BSN: variants seen among roughly 807,000 people sequenced by gnomAD.
BSN encodes protein bassoon.
Under a neutral mutation model 264.8 loss-of-function variants are expected in BSN, and 57 were observed. The ratio of observed to expected loss-of-function variants is 0.22; its 90% CI spans 0.17 to 0.27. BSN has a LOEUF of 0.27. Ranked by LOEUF, BSN falls within the 10% of genes least tolerant of loss-of-function variation. The pLI is 1.00. For missense variants in BSN, 4,615 were observed against 5,232.5 expected, an observed-to-expected ratio of 0.88 and a Z score of 3.64; for synonymous variants, 2,059 against 2,137.3, an observed-to-expected ratio of 0.96 and a Z score of 1.01.
chr3:49,657,726 G>T lies in BSN; in HGVS notation c.8170G>T (p.Gly2724Trp), dbSNP rs750377812. ...ESLACQTEPD[G>W]QAQGVAGPQL... ...CCTGGCCTGCCAGACGGAGCCAGATGGGCAGGCCCAGGGTGTAGCCGGGCC... is the reference window on the plus strand; with the variant it reads ...CCTGGCCTGCCAGACGGAGCCAGATTGGCAGGCCCAGGGTGTAGCCGGGCC... Residue 2724 changes from glycine (G) to tryptophan (W), a missense_variant, in exon 5 of 12, where the codon GGG becomes TGG. This residue lies in a region of BSN where 3,415 missense variants were observed against 3,866.4 expected (regional missense o/e 0.88). Transcript: ENST00000296452. The T allele has an allele frequency of 6.5e-7, 1 of 1,550,332 alleles. No homozygotes were observed. The highest frequency in any genetic ancestry group is 1.8e-5 in the Admixed American group (1 of 54,150).
intron 1 of BSN, among the ~76,000 whole-genome samples, chr3:49,596,654 C>A (rs2108028815): frequency 6.6e-6 from 1 of 152,142 alleles, no homozygotes; most frequent in East Asian, 1.9e-4. Flanking sequence ...CCATGCCTGG[C>A]TTTTTTGAAA....
chr3:49,628,166 C>T (rs1043700554), intron 2 of BSN, among the ~76,000 whole-genome samples: 5 of 152,176 alleles, frequency 3.3e-5, no homozygotes, highest in East Asian at 3.8e-4. Context: ...GAAATGTGAC[C>T]GCAGAAAATG....
At chr3:49,579,237 T>A (rs1244152956) in intron 1 of BSN, among the ~76,000 whole-genome samples, 1 of 151,616 alleles carries the variant, frequency 6.6e-6, no homozygotes, top group Non-Finnish European at 1.5e-5. Context: ...GATCCTCCTG[T>A]CTCAGGCACC....
intron 1 of BSN, among the ~76,000 whole-genome samples, chr3:49,557,354 G>A (rs540793234): frequency 9.2e-5 from 14 of 152,108 alleles, no homozygotes; most frequent in African/African-American, 2.9e-4. Flanking sequence ...TCATTCACTC[G>A]TTAATTCATT....
At chr3:49,571,274 CAG>C (rs907187679) in intron 1 of BSN, among the ~76,000 whole-genome samples, 1 of 152,038 alleles carries the variant, frequency 6.6e-6, no homozygotes, top group African/African-American at 2.4e-5. Flanking sequence ...CACAGCAAGT[CAG>C]GGGCAGGACA....
downstream of BSN, among the ~76,000 whole-genome samples, chr3:49,672,770 C>T (rs563678454): frequency 6.0e-5 from 9 of 150,056 alleles, no homozygotes; most frequent in African/African-American, 2.2e-4. Context: ...CGTGAGCCAC[C>T]GCGCCTGGCA....
At chr3:49,612,191 A>G (rs980304555) in intron 1 of BSN, among the ~76,000 whole-genome samples, 2 of 149,422 alleles carry the variant, frequency 1.3e-5, no homozygotes, top group African/African-American at 4.9e-5. Context: ...GCTGGAGTGC[A>G]GTGGTGCAAT....
Position 49,655,877 on chromosome 3 carries a change from C to A in BSN, c.6321C>A (p.Ser2107=). Residue 2107 remains serine, a synonymous_variant, in exon 5 of 12, where the codon TCC becomes TCA. Transcript: ENST00000296452. ...GTCGCATGTGCGCTGCCCTCAACTC[C>A]ATGGACCAGTATGGTGGGCGGCATG... ...EISRMCAALN[S]MDQYGGRHGS... is the part of the protein sequence containing the mutation. The A allele has an allele frequency of 6.2e-7, 1 of 1,613,090 alleles. No homozygotes were observed. The highest frequency in any genetic ancestry group is 1.6e-4 in the Middle Eastern group (1 of 6,062).
Position 49,661,987 on chromosome 3 carries a change from T to A in BSN, c.10142T>A (p.Val3381Glu). ...TCGCCTATTGAAGAGGCCAAAGACG[T>A]AGAGTCAGACCTGGCGTCCTACCCC... ...KFSPIEEAKD[V>E]ESDLASYPPP... The change falls in exon 6 of 12, where the codon GTA (valine) becomes GAA (glutamate). Residue 3381 changes from valine to glutamate, a missense_variant. Coordinates refer to ENST00000296452, the MANE Select transcript of BSN (RefSeq NM_003458.4). 1 of 1,613,842 alleles carries A rather than the reference T, an allele frequency of 6.2e-7. No homozygotes were observed. Among genetic ancestry groups the A allele is most frequent in the Non-Finnish European group, 8.5e-7 (1 of 1,180,010 alleles).
intron 1 of BSN, among the ~76,000 whole-genome samples, chr3:49,565,148 T>TC (rs1344321108): frequency 1.1e-4 from 15 of 138,060 alleles, no homozygotes; most frequent in South Asian, 7.4e-4. Flanking sequence ...GATTTTCTTT[T>TC]TTTTTTTTTT....
intron 1 of BSN, among the ~76,000 whole-genome samples, chr3:49,570,940 T>C (rs924834872): frequency 1.7e-4 from 26 of 152,154 alleles, no homozygotes; most frequent in African/African-American, 5.6e-4. Context: ...CTCCCAGGCC[T>C]GTGAAATGGA....
In BSN at chr3:49,554,515, A is replaced by G. The variant is rs1174097771; in HGVS notation, c.-88A>G. On this transcript the variant is annotated 5_prime_UTR_variant, in exon 1 of 12. Transcript: ENST00000296452. The stretch of plus-strand genomic sequence containing the variant: ...AGCCGAGCTGGGAGATGGCGGCGGC[A>G]GCGGCGGCGCCGAGAGTGTGAGCAC... The G allele has an allele frequency of 2.7e-6, 1 of 370,836 alleles. No homozygotes were observed. Among genetic ancestry groups the G allele is most frequent in the Non-Finnish European group, 3.7e-6 (1 of 268,862 alleles). 23.0% of individuals were successfully genotyped at this position (370,836 alleles called of 1,614,324 possible). A position where few individuals can be genotyped will look rare whatever the true frequency, so the allele number is the denominator to read the frequency against.
At chr3:49,626,420 G>A (rs1225639576) in intron 2 of BSN, among the ~76,000 whole-genome samples, 2 of 152,082 alleles carry the variant, frequency 1.3e-5, no homozygotes, top group African/African-American at 4.8e-5. Context: ...CTGTGGGTGT[G>A]GGACGTGTGG....
At chr3:49,584,052 A>ATT (rs1190231071) in intron 1 of BSN, among the ~76,000 whole-genome samples, 1 of 151,046 alleles carries the variant, frequency 6.6e-6, no homozygotes, top group East Asian at 1.9e-4. Context: ...TTTTATTTTT[A>ATT]TTTTTTTTAT....
chr3:49,598,626 A>G (rs781739118), intron 1 of BSN, among the ~76,000 whole-genome samples: 1 of 151,788 alleles, frequency 6.6e-6, no homozygotes, highest in Non-Finnish European at 1.5e-5. Context: ...GGGTCTCACT[A>G]TTTTGCCCAG....
chr3:49,624,253 G>A (rs566974695), intron 1 of BSN, among the ~76,000 whole-genome samples: 20 of 150,280 alleles, frequency 1.3e-4, no homozygotes, highest in African/African-American at 2.5e-4. Flanking sequence ...TGCCCGCCTC[G>A]GCCTCCCAAA....
intron 1 of BSN, among the ~76,000 whole-genome samples, chr3:49,610,082 C>A (rs2052193157): frequency 6.6e-6 from 1 of 152,166 alleles, no homozygotes. Context: ...TTCTCTGGAA[C>A]CACCCCTCTT....
intron 1 of BSN, among the ~76,000 whole-genome samples, chr3:49,615,045 T>A (rs754462501): frequency 9.9e-5 from 15 of 152,196 alleles, no homozygotes; most frequent in Non-Finnish European, 1.8e-4. Flanking sequence ...GTCCCTCTTG[T>A]CACATTCTCC....
chr3:49,592,568 ACGGTGAAACCC>A (rs2051987096), intron 1 of BSN, among the ~76,000 whole-genome samples: 1 of 150,766 alleles, frequency 6.6e-6, no homozygotes, highest in South Asian at 2.1e-4. Flanking sequence ...CCTGGCTAAC[ACGGTGAAACCC>A]CGTCTCTACT....
Sources: allele counts gnomAD v4.1 joint callset (sites outside exome capture counted in the v4.1 genomes callset), GRCh38; gene constraint gnomAD v4.1.1; regional missense constraint gnomAD v4.1.1; transcripts MANE v1.5; gene names NCBI Gene and HGNC (gene_info 2026-07-23, HGNC 2026-07-21).